The following OTOGL variants were observed in gnomAD, a reference collection of about 807,000 sequenced individuals.
The protein encoded by OTOGL is otogelin-like protein.
OTOGL carries 285 observed loss-of-function variants against 318.5 expected under a neutral mutation model. That is an observed-to-expected ratio of 0.89 (90% CI 0.81 to 0.99). OTOGL has a LOEUF of 0.99. Among genes scored for constraint, OTOGL ranks in the 50% least tolerant of loss-of-function variants. The pLI is 0.00. For synonymous variants in OTOGL, 987 were observed against 936.5 expected (o/e 1.05, Z -0.99); for missense variants, 2,899 against 2,845.6 (o/e 1.02, Z -0.43).
chr12:80,167,720 A>G (rs915713976), intron 1 of OTOGL, among the ~76,000 whole-genome samples: 3 of 152,134 alleles, frequency 2.0e-5, no homozygotes, highest in African/African-American at 7.2e-5. Flanking sequence ...ATAACTTCAC[A>G]CATCTAATTT....
chr12:80,125,116 G>A (rs1468261225), intron 1 of OTOGL, among the ~76,000 whole-genome samples: 4 of 152,142 alleles, frequency 2.6e-5, no homozygotes, highest in East Asian at 3.9e-4. Context: ...GTCTTGTGCT[G>A]GTTTTCAAAG....
At chr12:80,256,904 GT>G (rs1376807635) in intron 17 of OTOGL, among the ~76,000 whole-genome samples, 1 of 152,086 alleles carries the variant, frequency 6.6e-6, no homozygotes, top group East Asian at 1.9e-4. Context: ...TGGGGAAAGT[GT>G]TTCATGCAGA....
Position 80,253,501 on chromosome 12 carries a change from G to A in OTOGL, c.1321G>A (p.Glu441Lys), listed in dbSNP as rs768136183. The change falls in exon 14 of 59, where the codon GAA (glutamate) becomes AAA (lysine). Residue 441 changes from glutamate to lysine, a missense_variant. This residue lies in a region of OTOGL where 2,607 missense variants were observed against 2,524.9 expected (regional missense o/e 1.03). Transcript: ENST00000547103. ...GGACAATGGGACTTGCATCTCCTTG[G>A]AAAATTGCCCATGCGGTTTTCATGG... The part of the protein sequence containing the change: ...VMDNGTCISL[E>K]NCPCGFHGLA... 1 of 1,613,278 alleles carries A rather than the reference G, an allele frequency of 6.2e-7. No homozygotes were observed. Among genetic ancestry groups the A allele is most frequent in the South Asian group, 1.1e-5 (1 of 91,062 alleles).
chr12:80,278,124 A>G (rs1883944925), intron 24 of OTOGL, 44 bp from the exon 25 acceptor site: 1 of 1,401,676 alleles, frequency 7.1e-7, no homozygotes, highest in South Asian at 1.2e-5. Flanking sequence ...TAAAACTGAA[A>G]ACTGTAGTTC....
At chr12:80,347,179 G>A (rs945163986) in intron 44 of OTOGL, among the ~76,000 whole-genome samples, 1 of 151,704 alleles carries the variant, frequency 6.6e-6, no homozygotes, top group Admixed American at 6.6e-5. Context: ...AGGGACACAT[G>A]TGCAGAACGT....
Position 80,380,610 on chromosome 12 carries a change from A to G in OTOGL, c.*2562A>G, listed in dbSNP as rs1406031358. The G allele has an allele frequency of 6.6e-6, 1 of 152,248 alleles. No individual in the cohort carries two copies. The highest frequency in any genetic ancestry group is 1.9e-4 in the East Asian group (1 of 5,192). 9.4% of individuals were successfully genotyped at this position (152,248 alleles called of 1,614,324 possible). A position where few individuals can be genotyped will look rare whatever the true frequency, so the allele number is the denominator to read the frequency against. On this transcript the variant is annotated 3_prime_UTR_variant, in exon 59 of 59. Coordinates refer to ENST00000547103, the MANE Select transcript of OTOGL (RefSeq NM_001378609.3). ...CCTACCAGACTGGTAAAAAACCAGA[A>G]GTTTAATGATACTTTTATTTTTTAA...
chr12:80,308,690 T>C (rs368948921), intron 29 of OTOGL, among the ~76,000 whole-genome samples: 2 of 152,008 alleles, frequency 1.3e-5, no homozygotes, highest in African/African-American at 4.8e-5. Flanking sequence ...GAGCACTGAG[T>C]GAACGAGACT....
intron 24 of OTOGL, among the ~76,000 whole-genome samples, chr12:80,277,895 G>A (rs1883928341): frequency 6.6e-6 from 1 of 151,224 alleles, no homozygotes; most frequent in Non-Finnish European, 1.5e-5. Context: ...TAGAAATTTA[G>A]GCTTCTGTCT....
chr12:80,222,092 C>T lies in OTOGL; in HGVS notation c.336C>T (p.Ile112=). 6.3e-7 allele frequency: 1 copy of T among 1,596,604 alleles called. No individual in the cohort carries two copies. Among genetic ancestry groups the T allele is most frequent in the South Asian group, 1.1e-5 (1 of 90,620 alleles). Residue 112 remains isoleucine, a splice_region_variant and synonymous_variant, in exon 7 of 59, where the codon ATC becomes ATT. Transcript: ENST00000547103. ...FQALGTRCQI[I]PNMGNGRDGI... ...AAATATTATCCTGTTTCTTTTCAGTCCCAAACATGGGCAACGGCAGAGATG... is the reference window on the plus strand; with the variant it reads ...AAATATTATCCTGTTTCTTTTCAGTTCCAAACATGGGCAACGGCAGAGATG...
chr12:80,213,373 G>A (rs755682771), intron 4 of OTOGL, among the ~76,000 whole-genome samples: 13 of 152,114 alleles, frequency 8.5e-5, no homozygotes, highest in East Asian at 1.9e-4. Context: ...GGATTGGGCC[G>A]GTTTCTTTAC....
intron 14 of OTOGL, among the ~76,000 whole-genome samples, chr12:80,254,041 C>T (rs1029990243): frequency 9.9e-5 from 15 of 152,042 alleles, no homozygotes; most frequent in Admixed American, 4.6e-4. Context: ...TAAATGTTGT[C>T]GGATACTTTT....
At chr12:80,150,100 T>G (rs542916904) in intron 1 of OTOGL, among the ~76,000 whole-genome samples, 2 of 152,318 alleles carry the variant, frequency 1.3e-5, no homozygotes, top group East Asian at 1.9e-4. Flanking sequence ...TAGTGTCTGG[T>G]GCAAACCAAA....
intron 15 of OTOGL, among the ~76,000 whole-genome samples, chr12:80,254,791 A>G (rs1182665022): frequency 6.6e-6 from 1 of 152,006 alleles, no homozygotes; most frequent in Non-Finnish European, 1.5e-5. Context: ...TATAAAACCT[A>G]AAAAATGTGG....
intron 32 of OTOGL, among the ~76,000 whole-genome samples, chr12:80,318,029 C>A (rs1266964358): frequency 2.0e-5 from 3 of 152,070 alleles, no homozygotes; most frequent in African/African-American, 7.2e-5. Context: ...AATAATGTAT[C>A]CTCTCAGTCT....
At chr12:80,259,419 G>T (rs887057522) in intron 18 of OTOGL, among the ~76,000 whole-genome samples, 7 of 151,822 alleles carry the variant, frequency 4.6e-5, no homozygotes, top group Middle Eastern at 3.4e-3. Context: ...GAATGTGCAG[G>T]TTTGTTACAT....
At chr12:80,147,837 A>G (rs1377993333) in intron 1 of OTOGL, among the ~76,000 whole-genome samples, 3 of 151,804 alleles carry the variant, frequency 2.0e-5, no homozygotes, top group South Asian at 2.1e-4. Flanking sequence ...TTTGATCTTT[A>G]TTGGTTTAAA....
At chr12:80,300,698 G>C (rs550268972) in intron 27 of OTOGL, among the ~76,000 whole-genome samples, 5 of 152,288 alleles carry the variant, frequency 3.3e-5, no homozygotes, top group Non-Finnish European at 7.3e-5. Context: ...GGCAATCAGG[G>C]AAGGCCTCAC....
intron 25 of OTOGL, 23 bp downstream of exon 25, chr12:80,278,298 C>T: frequency 6.9e-7 from 1 of 1,451,084 alleles, no homozygotes; most frequent in East Asian, 2.5e-5. Context: ...ATTTATTTCA[C>T]AAATATTTTC....
At chr12:80,327,952 C>T (rs538333932) in intron 35 of OTOGL, among the ~76,000 whole-genome samples, 59 of 78,848 alleles carry the variant, frequency 7.5e-4, no homozygotes, top group Non-Finnish European at 1.2e-3. Context: ...GAGCGAGACT[C>T]TGTCTCAAAA....
Sources: gnomAD v4.1 joint callset for allele counts (sites outside exome capture counted in the v4.1 genomes callset) on GRCh38, gnomAD v4.1.1 for gene constraint, gnomAD v4.1.1 regional missense constraint, MANE v1.5 for transcripts, NCBI Gene and HGNC (gene_info 2026-07-23, HGNC 2026-07-21) for gene names.